Variants in SFMBT2 observed in about 807,000 individuals in gnomAD.
The protein encoded by SFMBT2 is scm-like with four MBT domains protein 2.
In SFMBT2, 38 loss-of-function variants were observed where a neutral mutation model predicts 110.1. The observed-to-expected ratio is 0.35, with a 90% CI of 0.27 to 0.45. The LOEUF (loss-of-function observed/expected upper bound fraction) is 0.45, where lower values mean the gene tolerates loss of function less well. Ranked by LOEUF, SFMBT2 falls within the 20% of genes least tolerant of loss-of-function variation. SFMBT2 has a pLI of 1.00. For missense variants in SFMBT2, 1,011 were observed against 1,094.9 expected, an observed-to-expected ratio of 0.92 and a Z score of 1.08; for synonymous variants, 425 against 425.4, an observed-to-expected ratio of 1.00 and a Z score of 0.01.
chr10:7,179,509 C>T (rs903624562), intron 16 of SFMBT2, among the ~76,000 whole-genome samples: 13 of 151,834 alleles, frequency 8.6e-5, no homozygotes, highest in South Asian at 2.1e-4. Context: ...AAGTGCTTCA[C>T]GGCTACATTT....
intron 1 of SFMBT2, among the ~76,000 whole-genome samples, chr10:7,394,072 G>C (rs779221761): frequency 6.6e-6 from 1 of 151,674 alleles, no homozygotes; most frequent in South Asian, 2.1e-4. Flanking sequence ...CTTCGATCTC[G>C]GCTCACTGCC....
chr10:7,171,983 T>G lies in SFMBT2; in HGVS notation c.2327A>C (p.Glu776Ala), dbSNP rs1359321417. The G allele has an allele frequency of 6.5e-7, 1 of 1,546,130 alleles. No homozygotes were observed. The highest frequency in any genetic ancestry group is 8.7e-7 in the Non-Finnish European group (1 of 1,149,868). Reference protein sequence around the residue: ...GSEPVRRPPPERTRRGRGAPA... With the variant: ...GSEPVRRPPPARTRRGRGAPA... ...CGCCCCGCGGCCCCTTCGTGTCCTC[T>G]CTGGGGGTGGCCGGCGCACGGGCTC... The change falls in exon 19 of 21, where the codon GAG becomes GCG. Residue 776 changes from glutamate (E) to alanine (A), a missense_variant. Physicochemically the swap from Glu to Ala is moderately radical, Grantham distance 107. Transcript: ENST00000397167. This position sits in a 1 kb window ranked among gnomAD's most constrained non-coding sequence, Gnocchi z 4.9.
intron 4 of SFMBT2, among the ~76,000 whole-genome samples, chr10:7,346,306 T>C (rs185292662): frequency 4.5e-4 from 68 of 152,316 alleles, no homozygotes; most frequent in Middle Eastern, 3.4e-3. Context: ...GTTCTAACAT[T>C]TTATGATGCT....
chr10:7,356,939 G>A (rs954091949), intron 4 of SFMBT2, among the ~76,000 whole-genome samples: 10 of 152,076 alleles, frequency 6.6e-5, no homozygotes, highest in Non-Finnish European at 1.0e-4. Context: ...TACCCACTTC[G>A]TATTGGTTTT....
chr10:7,344,958 C>CAAAAAA (rs35145669), intron 4 of SFMBT2, among the ~76,000 whole-genome samples: 12 of 53,230 alleles, frequency 2.3e-4, no homozygotes, highest in African/African-American at 3.8e-4. Context: ...GACTCTGTCT[C>CAAAAAA]AAAAAAAAAA....
chr10:7,205,865 C>G lies in SFMBT2; in HGVS notation c.1394G>C (p.Gly465Ala). ...AGGATAAGAATTGGCTTCACACCAG[C>G]CCACTGGGAAGATGTCCATGGATTC... ...DVESMDIFPV[G>A]WCEANSYPLT... Residue 465 changes from glycine to alanine, a missense_variant, in exon 12 of 21, where the codon GGC becomes GCC. Physicochemically the swap from Gly to Ala is moderately conservative, Grantham distance 60. Around this residue, in one of 2 missense-constraint regions of SFMBT2, gnomAD observed 979 missense variants for 1,016.1 expected, o/e 0.96. Coordinates refer to ENST00000397167, the MANE Select transcript of SFMBT2 (RefSeq NM_001387889.1). The G allele has an allele frequency of 6.2e-7, 1 of 1,614,072 alleles. No homozygotes were observed. The highest frequency in any genetic ancestry group is 1.1e-5 in the South Asian group (1 of 91,078).
At position 7,171,516 on chromosome 10, in the gene SFMBT2, TCA is replaced by T. The variant is rs1416899078; in HGVS notation, c.2415+377_2415+378del. The T allele has an allele frequency of 7.1e-6, 7 of 985,242 alleles. No homozygotes were observed. The highest frequency in any genetic ancestry group is 8.4e-6 in the Non-Finnish European group (7 of 829,926). 61.0% of individuals were successfully genotyped at this position (985,242 alleles called of 1,614,324 possible). ...AACACTGATTAAATATTTTAAAACA[TCA>T]CAGAGGTGTCCTATAGAGGGGACGT... On this transcript the variant is annotated intron_variant, in intron 19 of 20. Transcript: ENST00000397167. The surrounding 1 kb of genome is among the most constrained non-coding windows in gnomAD (Gnocchi z 4.9).
rs1021003797 is a variant in SFMBT2, at chr10:7,203,600, C to G, written c.1445-1078G>C. The G allele has an allele frequency of 1.1e-5, 8 of 725,746 alleles. No homozygotes were observed. In the African/African-American group the frequency reaches 1.5e-4, roughly 14 times the overall value. 45.0% of individuals were successfully genotyped at this position (725,746 alleles called of 1,614,324 possible). A position where few individuals can be genotyped will look rare whatever the true frequency, so the allele number is the denominator to read the frequency against. ...AGGGGAGGAAGAGGATCTAGGACAC[C>G]AGGTTCTGTTTGAGGGACAACAAGG... On this transcript the variant is annotated intron_variant, in intron 12 of 20. Transcript: ENST00000397167.
chr10:7,172,284 C>G lies in SFMBT2; in HGVS notation c.2152-126G>C. On this transcript the variant is annotated intron_variant, in intron 18 of 20. Transcript: ENST00000397167. This position sits in a 1 kb window ranked among gnomAD's most constrained non-coding sequence, Gnocchi z 4.6. ...CCCTCGGAAATGGAGCCAGTGGTCCCACCCGTGGGCCCTACGAGGCCCTTC... is the reference window on the plus strand; with the variant it reads ...CCCTCGGAAATGGAGCCAGTGGTCCGACCCGTGGGCCCTACGAGGCCCTTC... 6.9e-7 allele frequency: 1 copy of G among 1,453,060 alleles called. No homozygotes were observed. 90.0% of individuals were successfully genotyped at this position (1,453,060 alleles called of 1,614,324 possible).
chr10:7,343,184 G>A (rs1161512099), intron 4 of SFMBT2, among the ~76,000 whole-genome samples: 1 of 151,596 alleles, frequency 6.6e-6, no homozygotes, highest in Non-Finnish European at 1.5e-5. Context: ...GGCCTCCAGG[G>A]ACATACATCC....
intron 11 of SFMBT2, among the ~76,000 whole-genome samples, chr10:7,215,381 C>T (rs889658562): frequency 2.0e-5 from 3 of 152,190 alleles, no homozygotes; most frequent in African/African-American, 7.2e-5. Context: ...GTCTGGGTGA[C>T]AAGAGCAAGA....
chr10:7,178,130 G>A (rs1838132824), intron 16 of SFMBT2, among the ~76,000 whole-genome samples: 1 of 152,152 alleles, frequency 6.6e-6, no homozygotes. Context: ...CTCCGGTGGT[G>A]GGGGGTGACA....
At chr10:7,173,983 G>C (rs749813595) in intron 17 of SFMBT2, among the ~76,000 whole-genome samples, 4 of 152,126 alleles carry the variant, frequency 2.6e-5, no homozygotes, top group Non-Finnish European at 5.9e-5. Context: ...ACAAGCATAG[G>C]TTTCCTTCAG....
At chr10:7,400,617 C>T (rs988076284) in intron 1 of SFMBT2, among the ~76,000 whole-genome samples, 3 of 152,272 alleles carry the variant, frequency 2.0e-5, no homozygotes, top group Non-Finnish European at 4.4e-5. Context: ...GGCCGTCAGG[C>T]CTCCCAGGCT....
At chr10:7,354,099 A>AAAT (rs1441630139) in intron 4 of SFMBT2, among the ~76,000 whole-genome samples, 91 of 151,334 alleles carry the variant, frequency 6.0e-4, no homozygotes, top group African/African-American at 2.1e-3. Context: ...AAAAAAAAAA[A>AAAT]ATATAAATAA....
intron 10 of SFMBT2, among the ~76,000 whole-genome samples, 157 bp downstream of exon 10, chr10:7,227,698 C>T (rs1055237267): frequency 2.0e-5 from 3 of 152,196 alleles, no homozygotes; most frequent in Admixed American, 1.3e-4. Context: ...AAATATACAA[C>T]CTGAAAGCAG....
intron 1 of SFMBT2, among the ~76,000 whole-genome samples, chr10:7,386,250 A>T (rs1845601316): frequency 6.6e-6 from 1 of 152,194 alleles, no homozygotes; most frequent in Non-Finnish European, 1.5e-5. Flanking sequence ...CTTGTCCAGT[A>T]AGTACAAAAG....
At position 7,172,238 on chromosome 10, in the gene SFMBT2, CA is replaced by C. The variant is rs1016612466; in HGVS notation, c.2152-81del. ...TGGCCCCGCGGTCAGACCCTGGGCCCAGTGCAGACCACCTAGCAAACCCTCG... is the reference window on the plus strand; with the variant it reads ...TGGCCCCGCGGTCAGACCCTGGGCCCGTGCAGACCACCTAGCAAACCCTCG... On this transcript the variant is annotated intron_variant, in intron 18 of 20. Coordinates refer to ENST00000397167, the MANE Select transcript of SFMBT2 (RefSeq NM_001387889.1). The surrounding 1 kb of genome is among the most constrained non-coding windows in gnomAD (Gnocchi z 4.6). 1.3e-6 allele frequency: 2 copies of C among 1,486,444 alleles called. No homozygotes were observed. The highest frequency in any genetic ancestry group is 2.8e-5 in the African/African-American group (2 of 71,136). 92.1% of individuals were successfully genotyped at this position (1,486,444 alleles called of 1,614,324 possible).
intron 9 of SFMBT2, among the ~76,000 whole-genome samples, chr10:7,228,735 C>CTCTCTCTCT (rs1491205985): frequency 2.7e-5 from 1 of 36,592 alleles, no homozygotes; most frequent in African/African-American, 1.2e-4. Context: ...TTCTTTCTTT[C>CTCTCTCTCT]CTTTCTCTCT....
Sources: gnomAD v4.1 joint callset for allele counts (sites outside exome capture counted in the v4.1 genomes callset) on GRCh38, gnomAD v4.1.1 for gene constraint, gnomAD v4.1.1 regional missense constraint, Gnocchi (gnomAD v3.1) non-coding constraint, MANE v1.5 for transcripts, NCBI Gene and HGNC (gene_info 2026-07-23, HGNC 2026-07-21) for gene names.